Variants in CSMD3 observed in about 807,000 individuals in gnomAD.
CSMD3 encodes CUB and sushi domain-containing protein 3.
Under a neutral mutation model 435.2 loss-of-function variants are expected in CSMD3, and 177 were observed. That is an observed-to-expected ratio of 0.41 (90% CI 0.36 to 0.46). CSMD3 has a LOEUF of 0.46. Ranked by LOEUF, CSMD3 falls within the 20% of genes least tolerant of loss-of-function variation. The pLI is 0.34. For synonymous variants in CSMD3, 1,656 were observed against 1,520.5 expected (o/e 1.09, Z -2.07); for missense variants, 4,265 against 4,504.6 (o/e 0.95, Z 1.52).
chr8:112,281,624 A>G (rs1277649699), intron 58 of CSMD3, among the ~76,000 whole-genome samples: 2 of 152,174 alleles, frequency 1.3e-5, no homozygotes, highest in African/African-American at 4.8e-5. Flanking sequence ...TTCAAAGAGT[A>G]CTGTATTGGC....
chr8:112,629,994 T>C (rs1310698204), intron 22 of CSMD3, among the ~76,000 whole-genome samples: 1 of 152,174 alleles, frequency 6.6e-6, no homozygotes, highest in African/African-American at 2.4e-5. Context: ...GTGGATGGAA[T>C]TGAGCAAAGA....
At chr8:112,548,043 T>C (rs1228269266) in intron 27 of CSMD3, among the ~76,000 whole-genome samples, 1 of 152,138 alleles carries the variant, frequency 6.6e-6, no homozygotes, top group Non-Finnish European at 1.5e-5. Flanking sequence ...ACGGTAGTTG[T>C]TTAGTGGCCT....
chr8:112,403,148 A>C lies in CSMD3; in HGVS notation c.5809+3376T>G, dbSNP rs78714327. On this transcript the variant is annotated intron_variant, in intron 35 of 70. Transcript: ENST00000297405. ...ATAGAGTCAGCAATTCTGCACAATAAATGAGGCAGAAATGTAATTGGGAAA... is the reference window on the plus strand; with the variant it reads ...ATAGAGTCAGCAATTCTGCACAATACATGAGGCAGAAATGTAATTGGGAAA... Among the ~76,000 whole-genome samples the C allele has an allele frequency of 2.1e-3, 314 of 152,318 alleles. 10 individuals carry two copies. In the East Asian group the frequency reaches 0.053, roughly 26 times the overall value.
Position 112,560,924 on chromosome 8 carries a change from C to A in CSMD3, c.4043-3970G>T, listed in dbSNP as rs2131247655. ...TCTCAAAATAAAAATGGAAATCAAG[C>A]TCTGTTTTCAAGGTTTATTGCCAAA... is the stretch of plus-strand genomic sequence containing the variant. On this transcript the variant is annotated intron_variant, in intron 24 of 70. Transcript: ENST00000297405. Among the ~76,000 whole-genome samples the A allele has an allele frequency of 1.3e-5, 2 of 151,696 alleles. 1 individual carries two copies. Among genetic ancestry groups the A allele is most frequent in the East Asian group, 3.9e-4 (2 of 5,146 alleles).
Position 113,293,988 on chromosome 8 carries a change from T to C in CSMD3, c.402-15284A>G, listed in dbSNP as rs147476358. Among the ~76,000 whole-genome samples, 90 of 152,230 alleles carry C rather than the reference T, an allele frequency of 5.9e-4. No individual in the cohort carries two copies. In the East Asian group the frequency reaches 8.3e-3, roughly 14 times the overall value. On this transcript the variant is annotated intron_variant, in intron 2 of 70. Transcript: ENST00000297405. ...ATATATTTCCACAAATGATATTCTATCTCCATTGAAACCGGATTTATATCT... is the reference window on the plus strand; with the variant it reads ...ATATATTTCCACAAATGATATTCTACCTCCATTGAAACCGGATTTATATCT...
intron 1 of CSMD3, among the ~76,000 whole-genome samples, chr8:113,325,424 T>C (rs2093977463): frequency 6.6e-6 from 1 of 152,186 alleles, no homozygotes; most frequent in Non-Finnish European, 1.5e-5. Context: ...GCATAAACTC[T>C]CTTCTCTTTG....
chr8:112,781,070 G>C (rs1381467284), intron 13 of CSMD3, among the ~76,000 whole-genome samples: 1 of 42,226 alleles, frequency 2.4e-5, no homozygotes, highest in African/African-American at 1.5e-4. Context: ...GAGGAAAGGA[G>C]AGGATAGAGT....
At chr8:112,680,426 G>A (rs574928218) in intron 16 of CSMD3, among the ~76,000 whole-genome samples, 6 of 152,196 alleles carry the variant, frequency 3.9e-5, no homozygotes, top group South Asian at 4.2e-4. Context: ...CCCCAAAGCC[G>A]GATCAAAAAC....
At chr8:112,355,154 A>G (rs1160081531) in intron 38 of CSMD3, among the ~76,000 whole-genome samples, 1 of 152,202 alleles carries the variant, frequency 6.6e-6, no homozygotes. Flanking sequence ...CCATATGCAG[A>G]AGAATGAAAA....
intron 1 of CSMD3, among the ~76,000 whole-genome samples, chr8:113,393,067 A>G (rs1036866620): frequency 2.6e-5 from 4 of 151,724 alleles, no homozygotes; most frequent in East Asian, 1.9e-4. Flanking sequence ...TTATGGCACA[A>G]TTTACTCTTT....
chr8:113,088,183 T>G (rs1395705343), intron 5 of CSMD3, among the ~76,000 whole-genome samples: 2 of 150,122 alleles, frequency 1.3e-5, no homozygotes, highest in East Asian at 3.9e-4. Context: ...CCAGTTAGAA[T>G]GGCAATCATT....
intron 1 of CSMD3, among the ~76,000 whole-genome samples, chr8:113,436,135 A>G (rs2094704756): frequency 6.6e-6 from 1 of 152,188 alleles, no homozygotes; most frequent in Non-Finnish European, 1.5e-5. Context: ...AACATTGCAT[A>G]GAAGCCCAAT....
intron 12 of CSMD3, among the ~76,000 whole-genome samples, chr8:112,810,779 T>A (rs1285663098): frequency 6.6e-6 from 1 of 152,110 alleles, no homozygotes; most frequent in Non-Finnish European, 1.5e-5. Flanking sequence ...AAACTCTGAA[T>A]AAGTATTTTG....
intron 45 of CSMD3, among the ~76,000 whole-genome samples, chr8:112,333,666 T>TCA (rs781499166): frequency 1.0e-5 from 1 of 95,722 alleles, no homozygotes; most frequent in Non-Finnish European, 2.7e-5. Context: ...AAATTCTGTC[T>TCA]CATACACACA....
At chr8:112,599,173 G>GAAAA (rs756080621) in intron 22 of CSMD3, among the ~76,000 whole-genome samples, 2 of 135,772 alleles carry the variant, frequency 1.5e-5, no homozygotes, top group African/African-American at 2.8e-5. Flanking sequence ...AAATTTAAAA[G>GAAAA]AAAAAAAAAA....
intron 13 of CSMD3, among the ~76,000 whole-genome samples, chr8:112,718,749 C>T (rs1381291365): frequency 2.6e-5 from 4 of 151,928 alleles, no homozygotes; most frequent in African/African-American, 7.2e-5. Flanking sequence ...GCTCTGAGCA[C>T]GTATTAAAAT....
At chr8:112,572,037 T>TAA (rs769667339) in intron 24 of CSMD3, among the ~76,000 whole-genome samples, 1 of 145,396 alleles carries the variant, frequency 6.9e-6, no homozygotes, top group Non-Finnish European at 1.5e-5. Flanking sequence ...ACAGCATATT[T>TAA]AAAAAAAAAA....
At chr8:113,242,130 A>C (rs962101008) in intron 3 of CSMD3, among the ~76,000 whole-genome samples, 6 of 151,868 alleles carry the variant, frequency 4.0e-5, no homozygotes, top group African/African-American at 1.4e-4. Flanking sequence ...TTAATAAGGA[A>C]CAATTATGAA....
At chr8:113,117,314 G>C (rs2090859880) in intron 4 of CSMD3, among the ~76,000 whole-genome samples, 1 of 152,198 alleles carries the variant, frequency 6.6e-6, no homozygotes, top group African/African-American at 2.4e-5. Flanking sequence ...CATGGCTTCA[G>C]CAGGTGTGAG....
Sources: gnomAD v4.1 joint callset for allele counts (sites outside exome capture counted in the v4.1 genomes callset) on GRCh38, gnomAD v4.1.1 for gene constraint, MANE v1.5 for transcripts, NCBI Gene and HGNC (gene_info 2026-07-23, HGNC 2026-07-21) for gene names.